PLXNC1: variants seen among roughly 807,000 people sequenced by gnomAD.
PLXNC1 encodes plexin-C1.
A neutral mutation model predicts 178.2 loss-of-function variants in PLXNC1; 75 were observed. That is an observed-to-expected ratio of 0.42 (90% CI 0.35 to 0.51). The LOEUF (loss-of-function observed/expected upper bound fraction) is 0.51, where lower values mean the gene tolerates loss of function less well. Among genes scored for constraint, PLXNC1 ranks in the 20% least tolerant of loss-of-function variants. The pLI is 0.02. For synonymous variants in PLXNC1, 790 were observed against 779.9 expected (o/e 1.01, Z -0.22); for missense variants, 1,503 against 1,984.4 (o/e 0.76, Z 4.61).
intron 14 of PLXNC1, among the ~76,000 whole-genome samples, chr12:94,249,757 A>G (rs1266501748): frequency 1.3e-5 from 2 of 152,146 alleles, no homozygotes; most frequent in Non-Finnish European, 2.9e-5. Flanking sequence ...AACATTCTTC[A>G]TCATTCATGA....
intron 4 of PLXNC1, among the ~76,000 whole-genome samples, chr12:94,187,741 G>A (rs1353021234): frequency 1.3e-5 from 2 of 152,206 alleles, no homozygotes; most frequent in Non-Finnish European, 2.9e-5. Flanking sequence ...GATGATGGTG[G>A]TGATTAAATA....
Position 94,224,970 on chromosome 12 carries a change from G to A in PLXNC1, c.1790+655G>A, listed in dbSNP as rs537268729. ...ATGGCTTCGGGAATTTGGGCGGAAC[G>A]AGAAGCCTTGAGTGTAGGGGTAAAA... is the stretch of plus-strand genomic sequence containing the variant. On this transcript the variant is annotated intron_variant, in intron 7 of 30. Transcript: ENST00000258526. Among the ~76,000 whole-genome samples, 20 of 152,280 alleles carry A rather than the reference G, an allele frequency of 1.3e-4. No individual in the cohort carries two copies. In the South Asian group the frequency reaches 3.7e-3, roughly 28 times the overall value.
chr12:94,169,069 A>G (rs1961738903), intron 1 of PLXNC1, 84 bp from the exon 2 acceptor site: 2 of 1,247,288 alleles, frequency 1.6e-6, no homozygotes, highest in Non-Finnish European at 2.3e-6. Flanking sequence ...CTAGGAGGGC[A>G]TGAGTGACAT....
At chr12:94,239,144 C>T (rs960818627) in intron 10 of PLXNC1, among the ~76,000 whole-genome samples, 3 of 152,162 alleles carry the variant, frequency 2.0e-5, no homozygotes, top group Non-Finnish European at 4.4e-5. Flanking sequence ...GACTAGGAGA[C>T]CTTTCTGCAT....
intron 7 of PLXNC1, 55 bp from the exon 8 acceptor site, chr12:94,226,550 G>A (rs1284793502): frequency 3.4e-6 from 4 of 1,171,720 alleles, no homozygotes; most frequent in Non-Finnish European, 5.1e-6. Context: ...GGAAATTCTA[G>A]GATGTGAACA....
At position 94,251,418 on chromosome 12, in the gene PLXNC1, C is replaced by T. The variant is rs1448313573; in HGVS notation, c.2779-8C>T. On this transcript the variant is annotated splice_region_variant and splice_polypyrimidine_tract_variant and intron_variant, in intron 14 of 30. Transcript: ENST00000258526. ...AATTGGGTCTAATGACATTCTTTGTCCCATCAGGTCAAGCTGGGAAACCTG... is the reference window on the plus strand; with the variant it reads ...AATTGGGTCTAATGACATTCTTTGTTCCATCAGGTCAAGCTGGGAAACCTG... 2 of 1,550,670 alleles carry T rather than the reference C, an allele frequency of 1.3e-6. No homozygotes were observed. Among genetic ancestry groups the T allele is most frequent in the Non-Finnish European group, 8.9e-7 (1 of 1,122,266 alleles).
chr12:94,298,616 G>T lies in PLXNC1; in HGVS notation c.4075-16G>T. ...CAGTTTTTAATCTCCCAAATCTGAT[G>T]TTGTCTATCTTTCAGGTGGCAATTC... On this transcript the variant is annotated splice_polypyrimidine_tract_variant and intron_variant, in intron 26 of 30. Transcript: ENST00000258526. 1 of 1,569,492 alleles carries T rather than the reference G, an allele frequency of 6.4e-7. No individual in the cohort carries two copies. The highest frequency in any genetic ancestry group is 1.4e-5 in the African/African-American group (1 of 72,424).
rs551273543 is a variant in PLXNC1 at position 94,244,727 on chromosome 12, A to G, written c.2388+702A>G. 1.3e-3 allele frequency among the ~76,000 whole-genome samples: 198 copies of G among 152,314 alleles called. 3 individuals are homozygous for G. Among genetic ancestry groups the G allele is most frequent in the Non-Finnish European group, 2.1e-4 (14 of 68,026 alleles). On this transcript the variant is annotated intron_variant, in intron 12 of 30. Coordinates refer to ENST00000258526, the MANE Select transcript of PLXNC1 (RefSeq NM_005761.3). ...CTAACGATAGCTAATGAGCTAAAAA[A>G]TGGTTTGTGCATAATTTCCGTGATA...
intron 4 of PLXNC1, among the ~76,000 whole-genome samples, chr12:94,187,162 G>A (rs936765542): frequency 2.1e-5 from 3 of 144,548 alleles, no homozygotes; most frequent in Admixed American, 7.0e-5. Context: ...CTTCGCTGCA[G>A]CTCAGGCAGG....
chr12:94,184,192 C>T (rs913108877), intron 3 of PLXNC1, among the ~76,000 whole-genome samples: 1 of 151,588 alleles, frequency 6.6e-6, no homozygotes, highest in African/African-American at 2.4e-5. Context: ...TCTCAGCTCA[C>T]TGCAACCTCC....
chr12:94,297,281 C>T (rs771511221), intron 25 of PLXNC1, 35 bp from the exon 26 acceptor site: 1 of 1,611,840 alleles, frequency 6.2e-7, no homozygotes, highest in Admixed American at 1.7e-5. Context: ...CAAGAGTGGT[C>T]TCCTTGGGTA....
chr12:94,158,963 A>G (rs1961276444), intron 1 of PLXNC1, among the ~76,000 whole-genome samples: 2 of 152,180 alleles, frequency 1.3e-5, no homozygotes, highest in African/African-American at 4.8e-5. Flanking sequence ...TGATGGAGTA[A>G]AACAGCGGGA....
intron 23 of PLXNC1, among the ~76,000 whole-genome samples, chr12:94,284,246 C>G (rs1053945121): frequency 5.3e-5 from 8 of 152,164 alleles, no homozygotes; most frequent in African/African-American, 1.9e-4. Flanking sequence ...AATCTTGTGG[C>G]TAATTTGTTA....
At chr12:94,230,422 G>A (rs953543904) in intron 9 of PLXNC1, among the ~76,000 whole-genome samples, 4 of 152,108 alleles carry the variant, frequency 2.6e-5, no homozygotes, top group African/African-American at 9.7e-5. Context: ...TGGTTAAAAG[G>A]ACTGGGGTCA....
intron 1 of PLXNC1, among the ~76,000 whole-genome samples, chr12:94,151,828 A>C (rs1440178043): frequency 6.6e-6 from 1 of 152,170 alleles, no homozygotes; most frequent in African/African-American, 2.4e-5. Flanking sequence ...CCCAGCCAGC[A>C]TCTTGAATGC....
At chr12:94,173,840 G>A (rs1209444693) in intron 2 of PLXNC1, among the ~76,000 whole-genome samples, 1 of 152,190 alleles carries the variant, frequency 6.6e-6, no homozygotes, top group Non-Finnish European at 1.5e-5. Context: ...ATTTGGGGAT[G>A]GCTTCCTGGC....
intron 20 of PLXNC1, among the ~76,000 whole-genome samples, 179 bp from the exon 21 acceptor site, chr12:94,264,900 G>A (rs551214730): frequency 3.9e-5 from 6 of 152,312 alleles, no homozygotes; most frequent in East Asian, 3.9e-4. Flanking sequence ...GAGAGGAGGC[G>A]GTTTTCTGAG....
At chr12:94,221,464 A>C (rs1565816750) in intron 6 of PLXNC1, among the ~76,000 whole-genome samples, 1 of 152,168 alleles carries the variant, frequency 6.6e-6, no homozygotes, top group Non-Finnish European at 1.5e-5. Flanking sequence ...TACGGTGGGC[A>C]GACTGAGGAC....
intron 26 of PLXNC1, 142 bp from the exon 27 acceptor site, chr12:94,298,490 A>C: frequency 7.1e-6 from 5 of 705,308 alleles, no homozygotes; most frequent in Non-Finnish European, 1.1e-5. Context: ...CACATTTGAC[A>C]ATTTTACATT....
Sources: gnomAD v4.1 joint callset for allele counts (sites outside exome capture counted in the v4.1 genomes callset) on GRCh38, gnomAD v4.1.1 for gene constraint, MANE v1.5 for transcripts, NCBI Gene and HGNC (gene_info 2026-07-23, HGNC 2026-07-21) for gene names.